Variants in DCC observed in about 807,000 individuals in gnomAD.
The protein encoded by DCC is DCC netrin 1 receptor, also known as netrin receptor DCC.
A neutral mutation model predicts 172.5 loss-of-function variants in DCC; 58 were observed. The observed-to-expected ratio is 0.34, with a 90% confidence interval of 0.27 to 0.42. The LOEUF is 0.42. Among genes scored for constraint, DCC ranks in the 10% least tolerant of loss-of-function variants. DCC has a pLI of 1.00. For synonymous variants in DCC, 709 were observed against 644.5 expected (o/e 1.10, Z -1.52); for missense variants, 1,740 against 1,791.0 (o/e 0.97, Z 0.51).
At chr18:53,026,504 T>C (rs921335669) in intron 5 of DCC, among the ~76,000 whole-genome samples, 1 of 152,170 alleles carries the variant, frequency 6.6e-6, no homozygotes, top group Non-Finnish European at 1.5e-5. Flanking sequence ...TCTGAATTAA[T>C]AACTCACACC....
intron 1 of DCC, among the ~76,000 whole-genome samples, chr18:52,555,784 A>G (rs755392822): frequency 3.9e-5 from 6 of 152,148 alleles, no homozygotes; most frequent in Admixed American, 1.3e-4. Context: ...ATTTAACCTT[A>G]ATGGAAAAGA....
intron 27 of DCC, among the ~76,000 whole-genome samples, chr18:53,500,240 AAGGAGGAG>A (rs1379741881): frequency 6.6e-6 from 1 of 152,086 alleles, no homozygotes; most frequent in African/African-American, 2.4e-5. Context: ...GAGACAGAAG[AAGGAGGAG>A]AGGAGGAAAA....
intron 22 of DCC, among the ~76,000 whole-genome samples, chr18:53,440,246 T>G (rs1912188491): frequency 6.6e-6 from 1 of 152,188 alleles, no homozygotes; most frequent in African/African-American, 2.4e-5. Context: ...CAATTTCCTT[T>G]TTTCTATAGC....
intron 1 of DCC, among the ~76,000 whole-genome samples, chr18:52,634,199 G>T (rs1237948520): frequency 6.6e-6 from 1 of 152,214 alleles, no homozygotes; most frequent in Non-Finnish European, 1.5e-5. Context: ...AGCATAGATT[G>T]TTCAGTGTTT....
At chr18:52,868,904 C>T (rs905346134) in intron 2 of DCC, among the ~76,000 whole-genome samples, 6 of 152,194 alleles carry the variant, frequency 3.9e-5, no homozygotes, top group Admixed American at 1.3e-4. Flanking sequence ...GCATGGGCAC[C>T]GGTACTCTGC....
chr18:53,358,964 G>A (rs2057913721), intron 15 of DCC, among the ~76,000 whole-genome samples: 1 of 152,178 alleles, frequency 6.6e-6, no homozygotes, highest in African/African-American at 2.4e-5. Context: ...ACTTTGGTAT[G>A]AGGTTGTTAG....
chr18:52,500,518 G>T (rs1021821715), intron 1 of DCC, among the ~76,000 whole-genome samples: 1 of 152,138 alleles, frequency 6.6e-6, no homozygotes, highest in Non-Finnish European at 1.5e-5. Flanking sequence ...TGCCAAACAA[G>T]CTTCCTTTGT....
At chr18:52,351,392 T>C (rs1422038186) in intron 1 of DCC, among the ~76,000 whole-genome samples, 1 of 151,882 alleles carries the variant, frequency 6.6e-6, no homozygotes, top group Non-Finnish European at 1.5e-5. Flanking sequence ...GTACAATGAT[T>C]CAAAAATTTC....
At chr18:52,967,116 T>C (rs1317725948) in intron 5 of DCC, among the ~76,000 whole-genome samples, 1 of 152,302 alleles carries the variant, frequency 6.6e-6, no homozygotes, top group East Asian at 1.9e-4. Context: ...CAGTATCCCA[T>C]GTTTCTGTGG....
At chr18:52,802,305 GGA>G in intron 2 of DCC, among the ~76,000 whole-genome samples, 1 of 152,138 alleles carries the variant, frequency 6.6e-6, no homozygotes, top group African/African-American at 2.4e-5. Flanking sequence ...GCAATCTGGA[GGA>G]GAGTTTTGGA....
chr18:52,767,748 A>G (rs1253940719), intron 2 of DCC, among the ~76,000 whole-genome samples: 1 of 152,174 alleles, frequency 6.6e-6, no homozygotes, highest in Non-Finnish European at 1.5e-5. Context: ...GCTTTTTAAA[A>G]GCCGTTTTTC....
chr18:53,073,512 C>T (rs983786322), intron 7 of DCC, among the ~76,000 whole-genome samples: 2 of 151,734 alleles, frequency 1.3e-5, no homozygotes, highest in Non-Finnish European at 2.9e-5. Context: ...GGTGACAGAG[C>T]GAGACTCCGT....
chr18:53,028,504 A>G (rs1202438358), intron 5 of DCC, among the ~76,000 whole-genome samples: 1 of 152,198 alleles, frequency 6.6e-6, no homozygotes, highest in Non-Finnish European at 1.5e-5. Context: ...CAGAAATTAT[A>G]TAGTTATACC....
intron 7 of DCC, among the ~76,000 whole-genome samples, chr18:53,080,868 T>C (rs1469200108): frequency 6.6e-6 from 1 of 152,070 alleles, no homozygotes; most frequent in African/African-American, 2.4e-5. Context: ...CAGGGCCTTA[T>C]CATGCATCTT....
intron 25 of DCC, chr18:53,481,045 G>GAC (rs1369235984): frequency 3.3e-5 from 5 of 152,398 alleles, no homozygotes; most frequent in African/African-American, 1.2e-4. Flanking sequence ...CCCAAGACAT[G>GAC]ACACCTGGCT....
chr18:52,872,296 T>A (rs1440649517), intron 2 of DCC, among the ~76,000 whole-genome samples: 1 of 152,098 alleles, frequency 6.6e-6, no homozygotes, highest in Non-Finnish European at 1.5e-5. Flanking sequence ...TTAGATGAAA[T>A]CTCACAGGTA....
At chr18:53,153,879 A>G (rs1352640513) in intron 7 of DCC, among the ~76,000 whole-genome samples, 1 of 152,162 alleles carries the variant, frequency 6.6e-6, no homozygotes, top group Non-Finnish European at 1.5e-5. Flanking sequence ...GAGCTTCCAC[A>G]TAAGCACCAT....
intron 2 of DCC, among the ~76,000 whole-genome samples, chr18:52,808,048 CCA>C (rs2038120601): frequency 6.6e-6 from 1 of 152,156 alleles, no homozygotes; most frequent in East Asian, 1.9e-4. Flanking sequence ...TTGCTAAAAC[CCA>C]CACATCAAAT....
At chr18:53,363,494 A>T (rs1415796438) in intron 15 of DCC, among the ~76,000 whole-genome samples, 1 of 152,206 alleles carries the variant, frequency 6.6e-6, no homozygotes, top group Non-Finnish European at 1.5e-5. Context: ...TGCAAGGGAC[A>T]GAGTGGTCAG....
Sources: allele counts gnomAD v4.1 joint callset (sites outside exome capture counted in the v4.1 genomes callset), GRCh38; gene constraint gnomAD v4.1.1; transcripts MANE v1.5; gene names NCBI Gene and HGNC (gene_info 2026-07-23, HGNC 2026-07-21).